Variants in CCDC112 observed in about 807,000 individuals in gnomAD.
The protein encoded by CCDC112 is coiled-coil domain-containing protein 112.
A neutral mutation model predicts 66.3 loss-of-function variants in CCDC112; 40 were observed. The ratio of observed to expected loss-of-function variants is 0.60; its 90% CI spans 0.47 to 0.79. The LOEUF (loss-of-function observed/expected upper bound fraction) is 0.79. Among genes scored for constraint, CCDC112 ranks in the 30% least tolerant of loss-of-function variants. CCDC112 has a pLI of 0.00. For missense variants in CCDC112, 659 were observed against 603.8 expected, an observed-to-expected ratio of 1.09 and a Z score of -0.96; for synonymous variants, 214 against 197.2, an observed-to-expected ratio of 1.09 and a Z score of -0.71.
At chr5:115,269,570 T>TA in intron 8 of CCDC112, 133 bp downstream of exon 8, 1 of 636,998 alleles carries the variant, frequency 1.6e-6, no homozygotes, top group South Asian at 2.1e-5. Flanking sequence ...TGCTAATATG[T>TA]AAATAAGTAT....
At chr5:115,268,761 CACTT>C (rs939030416) in intron 9 of CCDC112, 117 bp downstream of exon 9, 11 of 331,508 alleles carry the variant, frequency 3.3e-5, no homozygotes, top group South Asian at 1.2e-4. Flanking sequence ...ATATTATACA[CACTT>C]ACATATTATA....
intron 2 of CCDC112, 56 bp downstream of exon 2, chr5:115,284,731 T>A: frequency 7.2e-7 from 1 of 1,395,102 alleles, no homozygotes; most frequent in South Asian, 1.2e-5. Flanking sequence ...TAATTTTTTA[T>A]TGTCCATTAT....
In CCDC112 at chr5:115,282,695, G is replaced by A. The variant is rs184797196; in HGVS notation, c.239+2092C>T. Among the ~76,000 whole-genome samples, 1,035 of 152,164 alleles carry A rather than the reference G, an allele frequency of 6.8e-3. 19 individuals are homozygous for A. Among genetic ancestry groups the A allele is most frequent in the Admixed American group, 0.033 (510 of 15,300 alleles). ...AAAATATCTGGGGAAGGATACATAA[G>A]AAACCAAAACTAGTGGGTTATCTGA... On this transcript the variant is annotated intron_variant, in intron 2 of 9. Coordinates refer to ENST00000379611, the MANE Select transcript of CCDC112 (RefSeq NM_001040440.3).
At chr5:115,290,646 C>T (rs1320717810) in intron 1 of CCDC112, among the ~76,000 whole-genome samples, 1 of 152,092 alleles carries the variant, frequency 6.6e-6, no homozygotes, top group Non-Finnish European at 1.5e-5. Context: ...TATAAGTCTC[C>T]TTTAATTTTT....
chr5:115,278,266 GGATA>G (rs1283883875), intron 3 of CCDC112, among the ~76,000 whole-genome samples: 5 of 151,876 alleles, frequency 3.3e-5, no homozygotes, highest in Admixed American at 2.6e-4. Context: ...TTATTCATTT[GGATA>G]GATAGACAAA....
chr5:115,291,918 T>C (rs1407026657), intron 1 of CCDC112, among the ~76,000 whole-genome samples: 1 of 152,178 alleles, frequency 6.6e-6, no homozygotes, highest in African/African-American at 2.4e-5. Context: ...TTCTTGGTGC[T>C]TTCAAGACTT....
intron 2 of CCDC112, among the ~76,000 whole-genome samples, chr5:115,282,678 TG>T (rs1001785016): frequency 6.6e-5 from 10 of 152,018 alleles, no homozygotes; most frequent in African/African-American, 2.2e-4. Flanking sequence ...ATAAAATATC[TG>T]GGGAAGGATA....
At chr5:115,285,304 A>G (rs1749629977) in intron 1 of CCDC112, among the ~76,000 whole-genome samples, 2 of 152,316 alleles carry the variant, frequency 1.3e-5, no homozygotes, top group South Asian at 4.1e-4. Flanking sequence ...AAGAGATAAG[A>G]GTAAACAAGC....
In CCDC112 at chr5:115,277,427, A is replaced by T. The variant is rs913332061; in HGVS notation, c.362-373T>A. On this transcript the variant is annotated intron_variant, in intron 3 of 9. Coordinates refer to ENST00000379611, the MANE Select transcript of CCDC112 (RefSeq NM_001040440.3). ...CTTTTTAATTTGTTATAACTTATGG[A>T]AATAGAATTTGGTCTTAACTCTATT... 1.4e-4 allele frequency among the ~76,000 whole-genome samples: 22 copies of T among 152,206 alleles called. 1 individual carries two copies. The highest frequency in any genetic ancestry group is 1.2e-3 in the Admixed American group (19 of 15,274).
At chr5:115,278,830 T>C (rs1288894013) in intron 3 of CCDC112, among the ~76,000 whole-genome samples, 2 of 152,182 alleles carry the variant, frequency 1.3e-5, no homozygotes, top group African/African-American at 4.8e-5. Context: ...TTTACTTTAA[T>C]TGATGACAAG....
chr5:115,291,931 T>G (rs1468815057), intron 1 of CCDC112, among the ~76,000 whole-genome samples: 2 of 152,220 alleles, frequency 1.3e-5, no homozygotes, highest in Non-Finnish European at 2.9e-5. Flanking sequence ...CAAGACTTTT[T>G]GTCCATATTT....
rs1750172815 is a variant in CCDC112, at chr5:115,296,617, C to G, written c.-74G>C. 2.9e-6 allele frequency: 4 copies of G among 1,361,970 alleles called. No individual in the cohort carries two copies. The highest frequency in any genetic ancestry group is 1.5e-5 in the African/African-American group (1 of 64,842). 84.4% of individuals were successfully genotyped at this position (1,361,970 alleles called of 1,614,324 possible). A position where few individuals can be genotyped will look rare whatever the true frequency, so the allele number is the denominator to read the frequency against. On this transcript the variant is annotated 5_prime_UTR_variant, in exon 1 of 10. Coordinates refer to ENST00000379611, the MANE Select transcript of CCDC112 (RefSeq NM_001040440.3). ...ATTCGTGGCAGGCGCACCCTGGCCT[C>G]TGCAGACAGCTCCCTGCGCTGCGGG...
rs548206351 is a variant in CCDC112, at chr5:115,281,811, G to A, written c.240-2043C>T. The stretch of plus-strand genomic sequence containing the variant: ...AAATGCAAATTAAAACTATATCACA[G>A]TAACACTGCACACCTATCATATTGG... On this transcript the variant is annotated intron_variant, in intron 2 of 9. Coordinates refer to ENST00000379611, the MANE Select transcript of CCDC112 (RefSeq NM_001040440.3). Among the ~76,000 whole-genome samples the A allele has an allele frequency of 7.9e-5, 12 of 152,242 alleles. No individual in the cohort carries two copies. The South Asian group carries it at 1.2e-3, about 16-fold the overall frequency.
intron 1 of CCDC112, chr5:115,296,201 C>A: frequency 7.8e-7 from 1 of 1,276,730 alleles, no homozygotes. Flanking sequence ...GCGGCAGAGC[C>A]GGGTTCCCAC....
At chr5:115,295,993 T>C (rs904190158) in intron 1 of CCDC112, 1 of 988,376 alleles carries the variant, frequency 1.0e-6, no homozygotes, top group South Asian at 4.7e-5. Context: ...GTCTTTCTCC[T>C]TGTGTTCCCA....
At chr5:115,279,591 A>C in intron 3 of CCDC112, 56 bp downstream of exon 3, 1 of 1,581,856 alleles carries the variant, frequency 6.3e-7, no homozygotes, top group South Asian at 1.1e-5. Flanking sequence ...AGCACAGGGT[A>C]AAACTACAAC....
At position 115,268,895 on chromosome 5, in the gene CCDC112, G is replaced by T. The variant is rs770598891; in HGVS notation, c.1534C>A (p.His512Asn). The change falls in exon 9 of 10, where the codon CAT (histidine) becomes AAT (asparagine). Residue 512 changes from histidine (H) to asparagine (N), a missense_variant. By Grantham distance (68) the His-to-Asn change is moderately conservative. Transcript: ENST00000379611. ...IGPTGSGPLL[H>N]IPHRAIPTWR... ...ACTCTTTCTTACCTATGTGGGATAT[G>T]TAGAAGTGGCCCAGAGCCTGTTGGT... 6.3e-7 allele frequency: 1 copy of T among 1,592,320 alleles called. No individual in the cohort carries two copies. The highest frequency in any genetic ancestry group is 8.6e-7 in the Non-Finnish European group (1 of 1,168,330).
At chr5:115,278,593 T>C (rs907802866) in intron 3 of CCDC112, among the ~76,000 whole-genome samples, 2 of 152,134 alleles carry the variant, frequency 1.3e-5, no homozygotes, top group Non-Finnish European at 2.9e-5. Flanking sequence ...AAAATTTTAC[T>C]TATTGGCATT....
intron 1 of CCDC112, chr5:115,295,909 C>A (rs961938174): frequency 4.1e-6 from 4 of 985,518 alleles, no homozygotes; most frequent in Admixed American, 6.1e-5. Context: ...AACAAAGATA[C>A]CTTGTCCTCA....
Sources: allele counts gnomAD v4.1 joint callset (sites outside exome capture counted in the v4.1 genomes callset), GRCh38; gene constraint gnomAD v4.1.1; transcripts MANE v1.5; gene names NCBI Gene and HGNC (gene_info 2026-07-23, HGNC 2026-07-21).